RFX2: variants seen among roughly 807,000 people sequenced by gnomAD.
The protein encoded by RFX2 is regulatory factor X2.
A neutral mutation model predicts 87.8 loss-of-function variants in RFX2; 20 were observed. The observed-to-expected ratio is 0.23, with a 90% CI of 0.16 to 0.33. The LOEUF (loss-of-function observed/expected upper bound fraction) is 0.33. RFX2 is among the 10% of genes least tolerant of loss of function. The pLI, the probability that RFX2 is intolerant of heterozygous loss-of-function variation, is 1.00. For synonymous variants in RFX2, 397 were observed against 431.3 expected (o/e 0.92, Z 0.98); for missense variants, 767 against 1,012.3 (o/e 0.76, Z 3.29).
intron 1 of RFX2, among the ~76,000 whole-genome samples, chr19:6,108,365 C>A (rs2088253537): frequency 6.6e-6 from 1 of 152,176 alleles, no homozygotes; most frequent in Admixed American, 6.5e-5. Context: ...CCCCCCTCCT[C>A]CTTATCCAGA....
chr19:6,023,665 C>T lies in RFX2; in HGVS notation c.597+2498G>A, dbSNP rs1267074351. On this transcript the variant is annotated intron_variant, in intron 6 of 17. Transcript: ENST00000303657. This position sits in a 1 kb window ranked among gnomAD's most constrained non-coding sequence, Gnocchi z 4.9. ...AGATTTTACCTTCAGCTCGGGAATACGAATCTTCATCGGGGAAGCGACCTG... is the reference window on the plus strand; with the variant it reads ...AGATTTTACCTTCAGCTCGGGAATATGAATCTTCATCGGGGAAGCGACCTG... Among the ~76,000 whole-genome samples the T allele has an allele frequency of 1.3e-5, 2 of 152,142 alleles. No individual in the cohort carries two copies. The highest frequency in any genetic ancestry group is 2.4e-5 in the African/African-American group (1 of 41,424).
intron 1 of RFX2, among the ~76,000 whole-genome samples, chr19:6,052,306 T>C (rs749961968): frequency 2.2e-4 from 34 of 152,304 alleles, no homozygotes; most frequent in Non-Finnish European, 3.1e-4. Flanking sequence ...TAAAATTTCA[T>C]CATAAGATGA....
chr19:6,070,326 C>G (rs2087588384), intron 1 of RFX2, among the ~76,000 whole-genome samples: 1 of 144,188 alleles, frequency 6.9e-6, no homozygotes, highest in African/African-American at 2.6e-5. Flanking sequence ...TCCACCAGTA[C>G]AGGAGAGAAG....
At position 6,110,127 on chromosome 19, in the gene RFX2, C is replaced by T. The variant is rs1046575173; in HGVS notation, c.-9+266G>A. Among the ~76,000 whole-genome samples the T allele has an allele frequency of 6.6e-6, 1 of 152,078 alleles. No individual in the cohort carries two copies. Among genetic ancestry groups the T allele is most frequent in the East Asian group, 1.9e-4 (1 of 5,166 alleles). On this transcript the variant is annotated intron_variant, in intron 1 of 17. Coordinates refer to ENST00000303657, the MANE Select transcript of RFX2 (RefSeq NM_000635.4). This position sits in a 1 kb window ranked among gnomAD's most constrained non-coding sequence, Gnocchi z 4.3. ...GAAAGGGGTCCCCGGACGCCCCAAC[C>T]TCAGGAAGTTTTGTAAAAAGTGAGG... is the stretch of plus-strand genomic sequence containing the variant.
chr19:6,099,090 G>A (rs998339078), intron 1 of RFX2, among the ~76,000 whole-genome samples: 8 of 151,108 alleles, frequency 5.3e-5, no homozygotes, highest in Non-Finnish European at 7.4e-5. Context: ...GCCACATTTC[G>A]TTGCTGAAAC....
chr19:6,076,084 TCCCA>T (rs1356140638), intron 1 of RFX2, among the ~76,000 whole-genome samples: 1 of 152,166 alleles, frequency 6.6e-6, no homozygotes, highest in Admixed American at 6.5e-5. Context: ...ATGCCTGTAA[TCCCA>T]GCACATTTTG....
At position 6,026,135 on chromosome 19, in the gene RFX2, C is replaced by A; in HGVS notation, c.597+28G>T. 6.3e-7 allele frequency: 1 copy of A among 1,583,618 alleles called. No homozygotes were observed. The highest frequency in any genetic ancestry group is 8.7e-7 in the Non-Finnish European group (1 of 1,154,018). The stretch of plus-strand genomic sequence containing the variant: ...ATGCAGGTTACAAGCAGAGCAGGGA[C>A]AGGTTGCCAGGTCAGACGCACACTT... On this transcript the variant is annotated intron_variant, in intron 6 of 17. Coordinates refer to ENST00000303657, the MANE Select transcript of RFX2 (RefSeq NM_000635.4). This position sits in a 1 kb window ranked among gnomAD's most constrained non-coding sequence, Gnocchi z 4.5.
chr19:6,067,688 C>G (rs369160826), intron 1 of RFX2, among the ~76,000 whole-genome samples: 9 of 152,192 alleles, frequency 5.9e-5, no homozygotes, highest in African/African-American at 2.2e-4. Context: ...CACCACCTTT[C>G]AAGGGGAACA....
Position 6,007,376 on chromosome 19 carries a change from C to T in RFX2, c.1248-210G>A, listed in dbSNP as rs2086597649. ...CCCTGTCCCTCACTGTCCACGCTGT[C>T]CCTCCCCTGCCAGTGGTCATACTGT... On this transcript the variant is annotated intron_variant, in intron 11 of 17. Coordinates refer to ENST00000303657, the MANE Select transcript of RFX2 (RefSeq NM_000635.4). The surrounding 1 kb of genome is among the most constrained non-coding windows in gnomAD (Gnocchi z 8.2). 6.6e-6 allele frequency among the ~76,000 whole-genome samples: 1 copy of T among 152,190 alleles called. No individual in the cohort carries two copies. Among genetic ancestry groups the T allele is most frequent in the African/African-American group, 2.4e-5 (1 of 41,438 alleles).
intron 13 of RFX2, among the ~76,000 whole-genome samples, chr19:6,003,271 C>T (rs1466639663): frequency 6.6e-6 from 1 of 152,028 alleles, no homozygotes; most frequent in Non-Finnish European, 1.5e-5. Context: ...CTTGTTGTTG[C>T]CCAGGCTGGT....
Position 6,001,913 on chromosome 19 carries a change from C to A in RFX2, c.1761G>T (p.Trp587Cys), listed in dbSNP as rs773001870. 1.2e-6 allele frequency: 2 copies of A among 1,613,154 alleles called. No individual in the cohort carries two copies. Among genetic ancestry groups the A allele is most frequent in the Non-Finnish European group, 8.5e-7 (1 of 1,179,974 alleles). ...GGACCTGGGTGACCACACTGTCCAGCCAGCTGGCCCACTGGTCCAGGGAGC... is the reference window on the plus strand; with the variant it reads ...GGACCTGGGTGACCACACTGTCCAGACAGCTGGCCCACTGGTCCAGGGAGC... ...QQSSLDQWAS[W>C]LDSVVTQVLK... The change falls in exon 15 of 18, where the codon TGG (tryptophan) becomes TGT (cysteine). Residue 587 changes from tryptophan to cysteine, a missense_variant. This residue lies in a region of RFX2 where 621 missense variants were observed against 873.0 expected (regional missense o/e 0.71). Coordinates refer to ENST00000303657, the MANE Select transcript of RFX2 (RefSeq NM_000635.4). The surrounding 1 kb of genome is among the most constrained non-coding windows in gnomAD (Gnocchi z 5.6).
chr19:6,003,897 A>G (rs1208075908), intron 13 of RFX2, among the ~76,000 whole-genome samples: 1 of 151,990 alleles, frequency 6.6e-6, no homozygotes, highest in African/African-American at 2.4e-5. Flanking sequence ...TTTGTGGCCA[A>G]GATTGCAGCA....
intron 1 of RFX2, among the ~76,000 whole-genome samples, chr19:6,065,048 A>C (rs1319742834): frequency 6.6e-6 from 1 of 152,192 alleles, no homozygotes; most frequent in Admixed American, 6.5e-5. Context: ...GAAAATGATA[A>C]ATTTAAAAAA....
chr19:6,090,573 AG>A (rs2087919648), intron 1 of RFX2, among the ~76,000 whole-genome samples: 2 of 152,158 alleles, frequency 1.3e-5, no homozygotes, highest in South Asian at 4.1e-4. Flanking sequence ...GAGAAACTGG[AG>A]CCCTCACTCC....
chr19:6,013,030 C>A lies in RFX2; in HGVS notation c.855G>T (p.Thr285=). The part of the protein sequence containing the change: ...DSPLNRLQED[T]QYMAMRQQPM... Reference sequence around the variant, plus strand: ...GCTGCTGCCGCATGGCCATGTACTGCGTGTCCTCCTGCAGCCGGTTCAGTG... The same window carrying A: ...GCTGCTGCCGCATGGCCATGTACTGAGTGTCCTCCTGCAGCCGGTTCAGTG... The change falls in exon 8 of 18, where the codon ACG becomes ACT. Residue 285 remains threonine (T), a synonymous_variant. Transcript: ENST00000303657. This position sits in a 1 kb window ranked among gnomAD's most constrained non-coding sequence, Gnocchi z 4.1. 1 of 1,602,638 alleles carries A rather than the reference C, an allele frequency of 6.2e-7. No homozygotes were observed. The highest frequency in any genetic ancestry group is 8.5e-7 in the Non-Finnish European group (1 of 1,174,876).
chr19:6,109,533 G>A (rs1377703247), intron 1 of RFX2, among the ~76,000 whole-genome samples: 1 of 152,150 alleles, frequency 6.6e-6, no homozygotes, highest in Non-Finnish European at 1.5e-5. Context: ...CAGTATGTCT[G>A]GGAGTCCATT....
chr19:6,019,022 G>A (rs572123086), intron 6 of RFX2, among the ~76,000 whole-genome samples: 29 of 151,930 alleles, frequency 1.9e-4, no homozygotes, highest in East Asian at 1.9e-4. Context: ...GCCTCCTGCC[G>A]CCTGCAGGGC....
intron 9 of RFX2, among the ~76,000 whole-genome samples, 166 bp downstream of exon 9, chr19:6,009,970 G>A (rs1411080400): frequency 2.6e-5 from 4 of 152,244 alleles, no homozygotes; most frequent in Non-Finnish European, 5.9e-5. Context: ...TCTCAGGGAT[G>A]TCAGAAAGAA....
Position 6,010,190 on chromosome 19 carries a change from T to C in RFX2, c.961A>G (p.Ser321Gly), listed in dbSNP as rs920531182. The change falls in exon 9 of 18, where the codon AGC (serine) becomes GGC (glycine). Residue 321 changes from serine (S) to glycine (G), a missense_variant. Transcript: ENST00000303657. This position sits in a 1 kb window ranked among gnomAD's most constrained non-coding sequence, Gnocchi z 5.0. ...ACGGCCATGGTCTGTTCCGGAGTGC[T>C]GTGCAGGCCGCTGTGGGAGCCGCTG... The part of the protein sequence containing the change: ...GDSGSHSGLH[S>G]TPEQTMAVQS... 4 of 1,548,746 alleles carry C rather than the reference T, an allele frequency of 2.6e-6. No individual in the cohort carries two copies. In the African/African-American group the frequency reaches 5.5e-5, roughly 21 times the overall value.
Sources: gnomAD v4.1 joint callset for allele counts (sites outside exome capture counted in the v4.1 genomes callset) on GRCh38, gnomAD v4.1.1 for gene constraint, gnomAD v4.1.1 regional missense constraint, Gnocchi (gnomAD v3.1) non-coding constraint, MANE v1.5 for transcripts, NCBI Gene and HGNC (gene_info 2026-07-23, HGNC 2026-07-21) for gene names.